Variants in NFKBIZ observed in about 807,000 individuals in gnomAD.
NFKBIZ encodes the protein NFKB inhibitor zeta, also known as NF-kappa-B inhibitor zeta.
NFKBIZ carries 19 observed loss-of-function variants against 76.8 expected under a neutral mutation model. The observed-to-expected ratio is 0.25, with a 90% CI of 0.17 to 0.36. The LOEUF (loss-of-function observed/expected upper bound fraction) is 0.36. NFKBIZ is among the 10% of genes least tolerant of loss of function. The probability of loss-of-function intolerance (pLI) is 1.00; values close to 1 mark genes in which losing one functional copy is unlikely to be tolerated. For missense variants in NFKBIZ, 829 were observed against 910.9 expected, an observed-to-expected ratio of 0.91 and a Z score of 1.16; for synonymous variants, 368 against 354.8, an observed-to-expected ratio of 1.04 and a Z score of -0.42.
At chr3:101,856,103 T>G (rs1054693905) in intron 9 of NFKBIZ, 19 of 362,978 alleles carry the variant, frequency 5.2e-5, no homozygotes, top group Middle Eastern at 8.3e-4. Context: ...CAGGCTGGAA[T>G]GCAGTGGTGC....
chr3:101,841,217 A>G (rs1942780938), intron 2 of NFKBIZ, among the ~76,000 whole-genome samples: 1 of 152,306 alleles, frequency 6.6e-6, no homozygotes, highest in East Asian at 1.9e-4. Context: ...CAACCTTTTG[A>G]TCTTTCCAGA....
rs200494711 is a variant in NFKBIZ, at chr3:101,859,364, C to T, written c.2150C>T (p.Pro717Leu). ...AAGTCCATTCAGCAGAGAGCTCCAC[C>T]GTATTAGCTCCATTAGCTTGGAGCC... is the stretch of plus-strand genomic sequence containing the variant. ...KGKSIQQRAP[P>L]Y Residue 717 changes from proline (P) to leucine (L), a missense_variant, in exon 12 of 12, where the codon CCG becomes CTG. Pro to Leu is a moderately conservative substitution (Grantham distance 98). Transcript: ENST00000326172. The T allele has an allele frequency of 4.3e-5, 69 of 1,613,472 alleles. No homozygotes were observed. The highest frequency in any genetic ancestry group is 3.3e-4 in the East Asian group (15 of 44,840).
chr3:101,833,117 T>C (rs1236509120), intron 2 of NFKBIZ, among the ~76,000 whole-genome samples: 2 of 152,246 alleles, frequency 1.3e-5, no homozygotes, highest in Non-Finnish European at 2.9e-5. Context: ...GAATAACTCC[T>C]ATGAGAATCA....
chr3:101,840,752 G>T (rs1176682090), intron 2 of NFKBIZ, among the ~76,000 whole-genome samples: 1 of 152,186 alleles, frequency 6.6e-6, no homozygotes, highest in Non-Finnish European at 1.5e-5. Flanking sequence ...CTTTGTGCAA[G>T]GTGCCTCTCT....
chr3:101,841,177 A>C (rs368334810), intron 2 of NFKBIZ, among the ~76,000 whole-genome samples: 4 of 152,306 alleles, frequency 2.6e-5, no homozygotes, highest in African/African-American at 7.2e-5. Context: ...AATTTGCTGC[A>C]AACAGGACCT....
chr3:101,840,295 T>C (rs1487199005), intron 2 of NFKBIZ, among the ~76,000 whole-genome samples: 1 of 152,176 alleles, frequency 6.6e-6, no homozygotes, highest in East Asian at 1.9e-4. Context: ...CTATAGTGGG[T>C]AAAGTTCATC....
At chr3:101,856,791 A>G (rs923570167) in intron 9 of NFKBIZ, 13 of 293,318 alleles carry the variant, frequency 4.4e-5, no homozygotes, top group Non-Finnish European at 8.4e-5. Context: ...CTGATAGGTT[A>G]TGACATAGGA....
intron 9 of NFKBIZ, among the ~76,000 whole-genome samples, chr3:101,856,218 T>C (rs1943047571): frequency 6.6e-6 from 1 of 152,040 alleles, no homozygotes; most frequent in Non-Finnish European, 1.5e-5. Context: ...ACCCAGCTAA[T>C]TTTTTGTATT....
At chr3:101,855,026 T>A in intron 6 of NFKBIZ, 36 bp from the exon 7 acceptor site, 1 of 1,554,560 alleles carries the variant, frequency 6.4e-7, no homozygotes, top group Non-Finnish European at 8.7e-7. Context: ...TAACATTGTA[T>A]GTTTAAAATA....
upstream of NFKBIZ, among the ~76,000 whole-genome samples, chr3:101,845,440 T>G (rs1942837611): frequency 6.6e-6 from 1 of 151,832 alleles, no homozygotes. Context: ...ACCACAGGCA[T>G]GTGCCACCAT....
intron 9 of NFKBIZ, 60 bp downstream of exon 9, chr3:101,855,962 A>G (rs1002760766): frequency 1.0e-5 from 15 of 1,431,988 alleles, no homozygotes; most frequent in Non-Finnish European, 1.3e-5. Context: ...ATAGCAAAAG[A>G]CCTTGCTTCC....
intron 1 of NFKBIZ, among the ~76,000 whole-genome samples, chr3:101,851,255 T>C (rs1374382764): frequency 6.6e-6 from 1 of 152,214 alleles, no homozygotes; most frequent in Admixed American, 6.5e-5. Flanking sequence ...TACTAAGAGG[T>C]TGTGACATAA....
rs1200597093 is a variant in NFKBIZ at position 101,849,600 on chromosome 3, C to T, written c.-29C>T. ...CGCAGCGAGCCGGTGGCGCAGGTGT[C>T]GGGGTCCTCGAGCGCCCAGCCTGGG... On this transcript the variant is annotated 5_prime_UTR_variant, in exon 1 of 12. Coordinates refer to ENST00000326172, the MANE Select transcript of NFKBIZ (RefSeq NM_031419.4). 4 of 1,316,458 alleles carry T rather than the reference C, an allele frequency of 3.0e-6. No individual in the cohort carries two copies. The highest frequency in any genetic ancestry group is 4.3e-5 in the South Asian group (2 of 46,258). The allele number at this position is 1,316,458 out of a possible 1,614,324, so 81.5% of individuals were successfully genotyped here. A position where few individuals can be genotyped will look rare whatever the true frequency, so the allele number is the denominator to read the frequency against.
At chr3:101,852,040 G>A (rs746153877) in intron 1 of NFKBIZ, 45 bp from the exon 2 acceptor site, 1 of 1,598,624 alleles carries the variant, frequency 6.3e-7, no homozygotes, top group Non-Finnish European at 8.5e-7. Context: ...GTTTATGTCT[G>A]TGAAGATATT....
upstream of NFKBIZ, among the ~76,000 whole-genome samples, chr3:101,848,380 G>A (rs6441628): frequency 5.7e-4 from 87 of 152,074 alleles, no homozygotes; most frequent in African/African-American, 2.1e-3. Flanking sequence ...AAATGCTGTG[G>A]GCCCCAATCC....
Position 101,853,806 on chromosome 3 carries a change from G to A in NFKBIZ, c.1280G>A (p.Ser427Asn). The A allele has an allele frequency of 1.2e-6, 2 of 1,613,666 alleles. No homozygotes were observed. The highest frequency in any genetic ancestry group is 1.7e-6 in the Non-Finnish European group (2 of 1,180,042). Reference protein sequence around the residue: ...LFQWQVEQEESKLANISQDQF... With the variant: ...LFQWQVEQEENKLANISQDQF... Reference sequence around the variant, plus strand: ...CAGTGGCAGGTGGAGCAGGAAGAAAGCAAATTGGCAAATATTTCCCAAGAC... The same window carrying A: ...CAGTGGCAGGTGGAGCAGGAAGAAAACAAATTGGCAAATATTTCCCAAGAC... The change falls in exon 5 of 12, where the codon AGC (serine) becomes AAC (asparagine). Residue 427 changes from serine to asparagine, a missense_variant. Physicochemically the swap from Ser to Asn is conservative, Grantham distance 46. Coordinates refer to ENST00000326172, the MANE Select transcript of NFKBIZ (RefSeq NM_031419.4).
rs1351573090 is a variant in NFKBIZ at position 101,853,451 on chromosome 3, G to C, written c.925G>C (p.Glu309Gln). ...ACACTACACCCACAAACCAACTCTGGAATACAGTCCTTTTCCCATACCTCC... is the reference window on the plus strand; with the variant it reads ...ACACTACACCCACAAACCAACTCTGCAATACAGTCCTTTTCCCATACCTCC... ...QPHYTHKPTL[E>Q]YSPFPIPPQS... Residue 309 changes from glutamate (E) to glutamine (Q), a missense_variant, in exon 5 of 12, where the codon GAA becomes CAA. Coordinates refer to ENST00000326172, the MANE Select transcript of NFKBIZ (RefSeq NM_031419.4). The C allele has an allele frequency of 6.2e-7, 1 of 1,614,138 alleles. No homozygotes were observed. Among genetic ancestry groups the C allele is most frequent in the Non-Finnish European group, 8.5e-7 (1 of 1,180,044 alleles).
intron 2 of NFKBIZ, among the ~76,000 whole-genome samples, chr3:101,838,444 G>T (rs1418532087): frequency 1.3e-5 from 2 of 152,206 alleles, no homozygotes; most frequent in African/African-American, 4.8e-5. Flanking sequence ...TAAAGCAAGG[G>T]TTGGCAGACT....
chr3:101,849,703 C>G lies in NFKBIZ; in HGVS notation c.75C>G (p.Leu25=). ...GLRDAAGGCG[L]MTSPLNLSYF... is the part of the protein sequence containing the mutation. ...GGGACGCGGCGGGCGGCTGCGGCCT[C>G]ATGACCAGCCCGCTCAACCTGAGCT... Residue 25 remains leucine (L), a synonymous_variant, in exon 1 of 12, where the codon CTC becomes CTG. Transcript: ENST00000326172. The G allele has an allele frequency of 1.4e-6, 2 of 1,419,194 alleles. No individual in the cohort carries two copies. The highest frequency in any genetic ancestry group is 1.8e-6 in the Non-Finnish European group (2 of 1,093,412). The allele number at this position is 1,419,194 out of a possible 1,614,324, so 87.9% of individuals were successfully genotyped here. A position where few individuals can be genotyped will look rare whatever the true frequency, so the allele number is the denominator to read the frequency against.
Sources: gnomAD v4.1 joint callset for allele counts (sites outside exome capture counted in the v4.1 genomes callset) on GRCh38, gnomAD v4.1.1 for gene constraint, MANE v1.5 for transcripts, NCBI Gene and HGNC (gene_info 2026-07-23, HGNC 2026-07-21) for gene names.